MECOM: variants seen among roughly 807,000 people sequenced by gnomAD.
The protein encoded by MECOM is histone-lysine N-methyltransferase MECOM.
Under a neutral mutation model 116.3 loss-of-function variants are expected in MECOM, and 13 were observed. The observed-to-expected ratio is 0.11, with a 90% confidence interval of 0.07 to 0.18. The LOEUF is 0.18. Among genes scored for constraint, MECOM ranks in the 10% least tolerant of loss-of-function variants. The pLI, the probability that MECOM is intolerant of heterozygous loss-of-function variation, is 1.00. For synonymous variants in MECOM, 528 were observed against 535.2 expected, an observed-to-expected ratio of 0.99 and a Z score of 0.19; for missense variants, 1,299 against 1,509.0, an observed-to-expected ratio of 0.86 and a Z score of 2.31.
intron 1 of MECOM, among the ~76,000 whole-genome samples, chr3:169,477,380 A>G (rs950151717): frequency 1.3e-5 from 2 of 151,910 alleles, no homozygotes; most frequent in African/African-American, 4.8e-5. Flanking sequence ...CTTGGAGTAA[A>G]CACAAACAAG....
chr3:169,259,735 C>T (rs1757312875), intron 2 of MECOM, among the ~76,000 whole-genome samples: 1 of 152,128 alleles, frequency 6.6e-6, no homozygotes, highest in African/African-American at 2.4e-5. Flanking sequence ...CTCAAAAAAA[C>T]ATATTTTCTG....
chr3:169,564,285 G>A (rs1762978235), intron 1 of MECOM, among the ~76,000 whole-genome samples: 1 of 152,154 alleles, frequency 6.6e-6, no homozygotes, highest in Non-Finnish European at 1.5e-5. Context: ...CTCACCATCT[G>A]AGAGTTAAAC....
At chr3:169,164,964 A>G (rs1437843808) in intron 2 of MECOM, among the ~76,000 whole-genome samples, 5 of 152,206 alleles carry the variant, frequency 3.3e-5, no homozygotes, top group Non-Finnish European at 7.3e-5. Context: ...TCTGAGCTAC[A>G]TTCCTAGTAA....
intron 1 of MECOM, among the ~76,000 whole-genome samples, chr3:169,582,287 GA>G (rs1165666171): frequency 1.3e-5 from 2 of 151,844 alleles, no homozygotes; most frequent in Non-Finnish European, 2.9e-5. Context: ...AGGGAGAAAG[GA>G]AAGGACTAAA....
At chr3:169,319,578 C>T (rs1285371884) in intron 2 of MECOM, among the ~76,000 whole-genome samples, 2 of 151,912 alleles carry the variant, frequency 1.3e-5, no homozygotes, top group African/African-American at 4.8e-5. Context: ...AATCAGCACA[C>T]CACTCTTTAG....
At chr3:169,182,153 A>C (rs1746051803) in intron 2 of MECOM, among the ~76,000 whole-genome samples, 1 of 152,360 alleles carries the variant, frequency 6.6e-6, no homozygotes, top group Non-Finnish European at 1.5e-5. Flanking sequence ...GAAAGTAACT[A>C]GTTGAAAGGC....
At chr3:169,376,546 G>T (rs1308055519) in intron 2 of MECOM, among the ~76,000 whole-genome samples, 1 of 152,084 alleles carries the variant, frequency 6.6e-6, no homozygotes, top group Admixed American at 6.6e-5. Context: ...TAGACAAACA[G>T]AGAGCCAAAT....
intron 1 of MECOM, among the ~76,000 whole-genome samples, chr3:169,436,723 A>T (rs1528293): frequency 0.52 from 78,950 of 152,006 alleles, 20,971 homozygotes; most frequent in East Asian, 0.83. Flanking sequence ...TAGGGCTCAA[A>T]AACTATGTGT....
intron 1 of MECOM, among the ~76,000 whole-genome samples, chr3:169,477,973 A>G (rs957221353): frequency 6.6e-6 from 1 of 152,244 alleles, no homozygotes; most frequent in South Asian, 2.1e-4. Flanking sequence ...AAAGTGGCCC[A>G]GGAATGACAT....
rs550967528 is a variant in MECOM, at chr3:169,318,425, AAAAC to A, written c.375+62758_375+62761del. ...ACAAGGAACTTAAATTTACAAGAAA[AAAAC>A]AAACAACCCCATCAAAAAGTGGGTG... On this transcript the variant is annotated intron_variant, in intron 2 of 16. Coordinates refer to ENST00000651503, the MANE Select transcript of MECOM (RefSeq NM_004991.4). Among the ~76,000 whole-genome samples, 25 of 152,328 alleles carry A rather than the reference AAAAC, an allele frequency of 1.6e-4. No homozygotes were observed. In the East Asian group the frequency reaches 3.9e-3, roughly 24 times the overall value.
chr3:169,191,773 A>C (rs905037549), intron 2 of MECOM, among the ~76,000 whole-genome samples: 1 of 142,558 alleles, frequency 7.0e-6, no homozygotes, highest in Non-Finnish European at 1.5e-5. Flanking sequence ...AAAGAAAGAA[A>C]GAAAGAAAGA....
At chr3:169,313,706 G>A (rs1251453796) in intron 2 of MECOM, among the ~76,000 whole-genome samples, 3 of 152,214 alleles carry the variant, frequency 2.0e-5, no homozygotes, top group Non-Finnish European at 4.4e-5. Flanking sequence ...TGACAGTGAA[G>A]AGGGGAAAAG....
intron 1 of MECOM, among the ~76,000 whole-genome samples, chr3:169,536,525 A>C (rs1388576358): frequency 6.6e-6 from 1 of 151,776 alleles, no homozygotes; most frequent in African/African-American, 2.4e-5. Context: ...ACTATGTCTG[A>C]CACCTAGCTA....
chr3:169,275,217 C>A lies in MECOM; in HGVS notation c.375+105970G>T, dbSNP rs970226999. On this transcript the variant is annotated intron_variant, in intron 2 of 16. Coordinates refer to ENST00000651503, the MANE Select transcript of MECOM (RefSeq NM_004991.4). Reference sequence around the variant, plus strand: ...TAGTATGAATGGCCCAGAGTAGTGACATTAAGACAAGGACTTTTAAAAAGC... The same window carrying A: ...TAGTATGAATGGCCCAGAGTAGTGAAATTAAGACAAGGACTTTTAAAAAGC... Among the ~76,000 whole-genome samples, 3 of 152,270 alleles carry A rather than the reference C, an allele frequency of 2.0e-5. 1 individual carries two copies. In the South Asian group the frequency reaches 6.2e-4, roughly 32 times the overall value.
intron 2 of MECOM, among the ~76,000 whole-genome samples, chr3:169,289,042 A>C (rs1004662876): frequency 6.6e-6 from 1 of 152,228 alleles, no homozygotes; most frequent in Non-Finnish European, 1.5e-5. Context: ...TCTGAAGTAC[A>C]GTTCTATAAA....
intron 2 of MECOM, among the ~76,000 whole-genome samples, chr3:169,351,441 T>C (rs1453670840): frequency 6.6e-6 from 1 of 151,864 alleles, no homozygotes; most frequent in Non-Finnish European, 1.5e-5. Context: ...TAGGTATTAA[T>C]ATAAGAGAAC....
intron 1 of MECOM, among the ~76,000 whole-genome samples, chr3:169,544,725 A>G (rs1035938702): frequency 1.3e-5 from 2 of 152,214 alleles, no homozygotes; most frequent in African/African-American, 4.8e-5. Context: ...TTGCAGGCAC[A>G]TGGATGAAAC....
At chr3:169,653,753 G>A (rs754253570) in intron 1 of MECOM, among the ~76,000 whole-genome samples, 11 of 152,160 alleles carry the variant, frequency 7.2e-5, no homozygotes, top group Non-Finnish European at 1.2e-4. Flanking sequence ...GCATTAGTTT[G>A]ATCAAATCCT....
chr3:169,662,428 C>T (rs1776408313), intron 1 of MECOM, among the ~76,000 whole-genome samples: 1 of 152,196 alleles, frequency 6.6e-6, no homozygotes, highest in Non-Finnish European at 1.5e-5. Context: ...TCCTAGGCTG[C>T]CGCCGCTGGC....
Sources: allele counts gnomAD v4.1 joint callset (sites outside exome capture counted in the v4.1 genomes callset), GRCh38; gene constraint gnomAD v4.1.1; transcripts MANE v1.5; gene names NCBI Gene and HGNC (gene_info 2026-07-23, HGNC 2026-07-21).